Variants in SDK2 observed in about 807,000 individuals in gnomAD.
SDK2 encodes sidekick cell adhesion molecule 2.
In SDK2, 105 loss-of-function variants were observed where a neutral mutation model predicts 253.9. The observed-to-expected ratio is 0.41, with a 90% CI of 0.35 to 0.49. SDK2 has a LOEUF of 0.49. Among genes scored for constraint, SDK2 ranks in the 20% least tolerant of loss-of-function variants. The probability of loss-of-function intolerance (pLI) is 0.06; values close to 1 mark genes in which losing one functional copy is unlikely to be tolerated. For synonymous variants in SDK2, 1,249 were observed against 1,234.9 expected (o/e 1.01, Z -0.24); for missense variants, 2,608 against 3,003.0 (o/e 0.87, Z 3.07).
intron 1 of SDK2, among the ~76,000 whole-genome samples, chr17:73,575,394 A>G (rs1447303240): frequency 1.3e-5 from 2 of 152,206 alleles, no homozygotes; most frequent in Non-Finnish European, 2.9e-5. Flanking sequence ...TCACTCGTTC[A>G]TTCACCAGGT....
intron 2 of SDK2, among the ~76,000 whole-genome samples, chr17:73,492,525 C>G (rs1470789836): frequency 1.3e-5 from 2 of 152,160 alleles, no homozygotes; most frequent in Non-Finnish European, 2.9e-5. Flanking sequence ...CCCACCAGTG[C>G]CTGGAACCCC....
intron 1 of SDK2, among the ~76,000 whole-genome samples, chr17:73,557,470 G>C (rs899804883): frequency 5.9e-5 from 9 of 152,156 alleles, no homozygotes; most frequent in Non-Finnish European, 1.3e-4. Context: ...ATCTGGCTAA[G>C]TTTTGTATTT....
chr17:73,393,520 C>A, intron 27 of SDK2, 40 bp downstream of exon 27: 1 of 1,475,154 alleles, frequency 6.8e-7, no homozygotes, highest in African/African-American at 1.4e-5. Context: ...AAGGGCGGCT[C>A]CTCCCAGCCT....
intron 2 of SDK2, among the ~76,000 whole-genome samples, chr17:73,500,792 C>T (rs61149667): frequency 0.011 from 1,582 of 148,982 alleles, 31 homozygotes; most frequent in African/African-American, 0.037. Context: ...ATCCTCCCTC[C>T]GTTCTCCTCC....
chr17:73,484,091 G>A (rs186799340), intron 2 of SDK2, among the ~76,000 whole-genome samples: 184 of 152,184 alleles, frequency 1.2e-3, no homozygotes, highest in African/African-American at 4.1e-3. Context: ...TTTCCTCACC[G>A]CTCCCCGCTC....
At position 73,383,844 on chromosome 17, in the gene SDK2, A is replaced by C; in HGVS notation, c.4705+32T>G. The stretch of plus-strand genomic sequence containing the variant: ...AGGTGAGGGTGACCGCCCCCATCCC[A>C]CCCATTCCTCTGGCTCCCAAGTGTC... On this transcript the variant is annotated intron_variant, in intron 33 of 44. Coordinates refer to ENST00000392650, the MANE Select transcript of SDK2 (RefSeq NM_001144952.2). The surrounding 1 kb of genome is among the most constrained non-coding windows in gnomAD (Gnocchi z 4.3). The C allele has an allele frequency of 6.2e-7, 1 of 1,612,668 alleles. No individual in the cohort carries two copies. The highest frequency in any genetic ancestry group is 2.2e-5 in the East Asian group (1 of 44,810).
intron 1 of SDK2, among the ~76,000 whole-genome samples, chr17:73,549,751 G>A (rs1164842581): frequency 6.6e-6 from 1 of 152,174 alleles, no homozygotes; most frequent in East Asian, 1.9e-4. Flanking sequence ...GAGAGGGGAT[G>A]GGGGGCAGAG....
In SDK2 at chr17:73,374,379, A is replaced by G. The variant is rs2062760000; in HGVS notation, c.4980+4798T>C. 1.4e-5 allele frequency among the ~76,000 whole-genome samples: 2 copies of G among 143,632 alleles called. 1 individual carries two copies. The highest frequency in any genetic ancestry group is 3.0e-5 in the Non-Finnish European group (2 of 67,694). The allele number at this position is 143,632 out of a possible 152,430, so 94.2% of individuals were successfully genotyped here. A position where few individuals can be genotyped will look rare whatever the true frequency, so the allele number is the denominator to read the frequency against. On this transcript the variant is annotated intron_variant, in intron 36 of 44. Transcript: ENST00000392650. ...GATTTCCCTAGCCTCCTCCTTCACCAGCTTTGTCTTTTCCTGCTCCATCAT... is the reference window on the plus strand; with the variant it reads ...GATTTCCCTAGCCTCCTCCTTCACCGGCTTTGTCTTTTCCTGCTCCATCAT...
intron 5 of SDK2, among the ~76,000 whole-genome samples, chr17:73,445,262 G>T (rs781615892): frequency 6.6e-6 from 1 of 152,170 alleles, no homozygotes; most frequent in Non-Finnish European, 1.5e-5. Flanking sequence ...TTCTTGTTAT[G>T]TTGGGTTAAA....
At chr17:73,561,283 C>T (rs140959651) in intron 1 of SDK2, among the ~76,000 whole-genome samples, 61 of 152,308 alleles carry the variant, frequency 4.0e-4, no homozygotes, top group Admixed American at 2.5e-3. Context: ...ACCCCACCTG[C>T]GGTCAGCCCT....
chr17:73,404,129 C>T (rs1162930765), intron 18 of SDK2, among the ~76,000 whole-genome samples: 1 of 152,140 alleles, frequency 6.6e-6, no homozygotes, highest in Non-Finnish European at 1.5e-5. Context: ...AGGAAGTGCA[C>T]AGGGTAATGG....
intron 32 of SDK2, among the ~76,000 whole-genome samples, chr17:73,385,475 T>C (rs759520856): frequency 2.0e-5 from 3 of 152,056 alleles, no homozygotes; most frequent in Admixed American, 6.5e-5. Flanking sequence ...CAAGCACTTT[T>C]CAGCCCAAGG....
chr17:73,550,059 G>A (rs1251087180), intron 1 of SDK2, among the ~76,000 whole-genome samples: 1 of 152,140 alleles, frequency 6.6e-6, no homozygotes, highest in Non-Finnish European at 1.5e-5. Context: ...ACTGAGCCCC[G>A]GGTTTCTCCC....
At chr17:73,506,904 G>T (rs1040268782) in intron 2 of SDK2, among the ~76,000 whole-genome samples, 1 of 152,250 alleles carries the variant, frequency 6.6e-6, no homozygotes, top group African/African-American at 2.4e-5. Flanking sequence ...AGGCCCAAGA[G>T]CTCCATGGCA....
chr17:73,544,322 C>T (rs894143784), intron 1 of SDK2, among the ~76,000 whole-genome samples: 1 of 152,194 alleles, frequency 6.6e-6, no homozygotes, highest in African/African-American at 2.4e-5. Flanking sequence ...TCTCATAGTT[C>T]CTCCTCTTCA....
At chr17:73,568,631 T>A (rs189632137) in intron 1 of SDK2, among the ~76,000 whole-genome samples, 5 of 152,178 alleles carry the variant, frequency 3.3e-5, no homozygotes, top group Admixed American at 6.5e-5. Flanking sequence ...GAGATGAAGG[T>A]CTAACATATA....
At chr17:73,476,474 GTAAAA>G (rs1189097561) in intron 2 of SDK2, among the ~76,000 whole-genome samples, 1 of 152,112 alleles carries the variant, frequency 6.6e-6, no homozygotes, top group Non-Finnish European at 1.5e-5. Flanking sequence ...TATTTTAAAA[GTAAAA>G]TAAAAAGATG....
chr17:73,425,389 T>A (rs1434290235), intron 12 of SDK2, among the ~76,000 whole-genome samples: 1 of 152,282 alleles, frequency 6.6e-6, no homozygotes, highest in African/African-American at 2.4e-5. Flanking sequence ...TTCCAGACCC[T>A]TCTTCCCCGC....
chr17:73,533,035 C>G (rs923159813), intron 1 of SDK2, among the ~76,000 whole-genome samples: 1 of 152,222 alleles, frequency 6.6e-6, no homozygotes, highest in Non-Finnish European at 1.5e-5. Context: ...TCCTCTCCAG[C>G]CGTTCCTTGG....
Sources: gnomAD v4.1 joint callset for allele counts (sites outside exome capture counted in the v4.1 genomes callset) on GRCh38, gnomAD v4.1.1 for gene constraint, Gnocchi (gnomAD v3.1) non-coding constraint, MANE v1.5 for transcripts, NCBI Gene and HGNC (gene_info 2026-07-23, HGNC 2026-07-21) for gene names.